Variants in GPSM1 observed in about 807,000 individuals in gnomAD.
The protein encoded by GPSM1 is G protein signaling modulator 1, also known as G protein-signaling modulator 1.
A neutral mutation model predicts 70.5 loss-of-function variants in GPSM1; 48 were observed. The ratio of observed to expected loss-of-function variants is 0.68; its 90% confidence interval spans 0.54 to 0.87. The LOEUF is 0.87. Ranked by LOEUF, GPSM1 falls within the 40% of genes least tolerant of loss-of-function variation. GPSM1 has a pLI of 0.00. For synonymous variants in GPSM1, 416 were observed against 430.1 expected, an observed-to-expected ratio of 0.97 and a Z score of 0.41; for missense variants, 981 against 972.6, an observed-to-expected ratio of 1.01 and a Z score of -0.11.
At chr9:136,346,581 G>T (rs888920362) in intron 9 of GPSM1, among the ~76,000 whole-genome samples, 1 of 152,196 alleles carries the variant, frequency 6.6e-6, no homozygotes, top group African/African-American at 2.4e-5. Context: ...TTCCCAGTTG[G>T]GGGTGGAGGC....
chr9:136,336,570 C>T (rs1398076878), intron 3 of GPSM1, among the ~76,000 whole-genome samples: 2 of 152,174 alleles, frequency 1.3e-5, no homozygotes, highest in African/African-American at 4.8e-5. Context: ...GCTGGGGGGA[C>T]GTGACTTACC....
At chr9:136,357,707 C>T (rs1234271609) in intron 13 of GPSM1, among the ~76,000 whole-genome samples, 6 of 152,236 alleles carry the variant, frequency 3.9e-5, no homozygotes, top group Admixed American at 2.6e-4. Context: ...CATCCAACGC[C>T]GCCCTAGCCA....
At chr9:136,333,595 C>T (rs982482936) in intron 1 of GPSM1, among the ~76,000 whole-genome samples, 3 of 152,086 alleles carry the variant, frequency 2.0e-5, no homozygotes, top group South Asian at 4.1e-4. Context: ...TGGGGGACCA[C>T]GGCCAAGCAG....
At chr9:136,329,867 G>T (rs1177474698) in intron 1 of GPSM1, among the ~76,000 whole-genome samples, 1 of 150,084 alleles carries the variant, frequency 6.7e-6, no homozygotes, top group Non-Finnish European at 1.5e-5. Context: ...GTGGGGACGG[G>T]CCCCTGGGTG....
In GPSM1 at chr9:136,341,800, TC is replaced by T. The variant is rs1268409449; in HGVS notation, c.1207+808del. ...GTGCTGGGCTGCCGGAGTTTCTTTT[TC>T]TTATCTTATTTTTAATAATTAAATG... is the stretch of plus-strand genomic sequence containing the variant. On this transcript the variant is annotated intron_variant, in intron 9 of 13. Transcript: ENST00000440944. The surrounding 1 kb of genome is among the most constrained non-coding windows in gnomAD (Gnocchi z 6.7). 1.9e-5 allele frequency: 19 copies of T among 981,796 alleles called. No homozygotes were observed. In the African/African-American group the frequency reaches 3.1e-4, roughly 16 times the overall value. 60.8% of individuals were successfully genotyped at this position (981,796 alleles called of 1,614,324 possible).
chr9:136,333,181 C>A (rs562452998), intron 1 of GPSM1, among the ~76,000 whole-genome samples: 1 of 152,346 alleles, frequency 6.6e-6, no homozygotes, highest in East Asian at 1.9e-4. Context: ...CTGGGGCCCC[C>A]CAAGCTGCGC....
At chr9:136,354,715 G>A (rs1020572585) in intron 11 of GPSM1, 5 of 628,440 alleles carry the variant, frequency 8.0e-6, no homozygotes, top group Non-Finnish European at 7.9e-6. Flanking sequence ...AGGAGACCAC[G>A]CCCTCCAGCC....
At position 136,349,465 on chromosome 9, in the gene GPSM1, G is replaced by A. The variant is rs530412853; in HGVS notation, c.1279-122G>A. On this transcript the variant is annotated intron_variant, in intron 10 of 13. Coordinates refer to ENST00000440944, the MANE Select transcript of GPSM1 (RefSeq NM_001145638.3). ...GCCCCAGTCCTCTCCTCCTCTCTGG[G>A]TACTGGGCACCTACGGCGTGCATCC... 2.9e-5 allele frequency: 25 copies of A among 867,880 alleles called. No homozygotes were observed. In the South Asian group the frequency reaches 3.6e-4, roughly 12 times the overall value. 53.8% of individuals were successfully genotyped at this position (867,880 alleles called of 1,614,324 possible).
Position 136,327,615 on chromosome 9 carries a change from G to C in GPSM1, c.-81G>C. The C allele has an allele frequency of 3.6e-6, 1 of 276,268 alleles. No homozygotes were observed. The highest frequency in any genetic ancestry group is 5.8e-6 in the Non-Finnish European group (1 of 173,672). 17.1% of individuals were successfully genotyped at this position (276,268 alleles called of 1,614,324 possible). On this transcript the variant is annotated 5_prime_UTR_variant, in exon 1 of 14. Transcript: ENST00000440944. ...CAGGCGGACAGCAGGGCGGACAGCA[G>C]GGAGGACAGCAGGGCGGGCAGGGGG...
At chr9:136,336,437 G>A (rs28537280) in intron 3 of GPSM1, among the ~76,000 whole-genome samples, 21,330 of 152,218 alleles carry the variant, frequency 0.14, 2,205 homozygotes, top group African/African-American at 0.24. Context: ...GGCTGCGGCA[G>A]TGGGAGGCCG....
intron 1 of GPSM1, among the ~76,000 whole-genome samples, chr9:136,328,351 T>A (rs904092456): frequency 2.6e-5 from 4 of 152,122 alleles, no homozygotes; most frequent in Non-Finnish European, 4.4e-5. Flanking sequence ...TGACTCCCAA[T>A]GTCCCCCCAG....
At chr9:136,354,917 G>C (rs1011780186) in intron 11 of GPSM1, 1 of 1,026,054 alleles carries the variant, frequency 9.7e-7, no homozygotes, top group Non-Finnish European at 1.2e-6. Flanking sequence ...AAGTGTTCCA[G>C]GCCAAGGCTG....
At position 136,340,900 on chromosome 9, in the gene GPSM1, C is replaced by G; in HGVS notation, c.1114C>G (p.Arg372Gly). ...IGDRHGELTARMNVAQLQLVL... is the reference protein window; with the variant it reads ...IGDRHGELTAGMNVAQLQLVL... ...GGACCGCCATGGGGAGCTCACGGCC[C>G]GCATGAACGTGGCGCAGCTGCAGCT... is the stretch of plus-strand genomic sequence containing the variant. Residue 372 changes from arginine to glycine, a missense_variant, in exon 9 of 14, where the codon CGC becomes GGC. Coordinates refer to ENST00000440944, the MANE Select transcript of GPSM1 (RefSeq NM_001145638.3). This position sits in a 1 kb window ranked among gnomAD's most constrained non-coding sequence, Gnocchi z 7.3. 6.3e-7 allele frequency: 1 copy of G among 1,575,882 alleles called. No individual in the cohort carries two copies. The highest frequency in any genetic ancestry group is 8.6e-7 in the Non-Finnish European group (1 of 1,162,504).
chr9:136,329,598 C>T (rs548521301), intron 1 of GPSM1, among the ~76,000 whole-genome samples: 15 of 152,306 alleles, frequency 9.8e-5, no homozygotes, highest in African/African-American at 3.4e-4. Context: ...ACTGGGGTCC[C>T]TCAATGTGGA....
chr9:136,339,965 G>GGCCCCCC (rs1554769928), intron 8 of GPSM1, 150 bp downstream of exon 8: 61 of 620,604 alleles, frequency 9.8e-5, no homozygotes, highest in Middle Eastern at 4.2e-4. Context: ...CCGAGGCCTG[G>GGCCCCCC]TGATGACATG....
chr9:136,334,431 A>C lies in GPSM1; in HGVS notation c.69-16A>C. 6.2e-7 allele frequency: 1 copy of C among 1,603,378 alleles called. No homozygotes were observed. The highest frequency in any genetic ancestry group is 8.5e-7 in the Non-Finnish European group (1 of 1,173,924). On this transcript the variant is annotated splice_polypyrimidine_tract_variant and intron_variant, in intron 1 of 13. Transcript: ENST00000440944. ...TTTGCCAGGGCTGGGCCATGACGCC[A>C]AGTTCCTCTGCACAGGATGGAGGCG... is the stretch of plus-strand genomic sequence containing the variant.
At chr9:136,353,512 C>T (rs1832726922) in intron 11 of GPSM1, among the ~76,000 whole-genome samples, 2 of 152,220 alleles carry the variant, frequency 1.3e-5, no homozygotes, top group Admixed American at 1.3e-4. Context: ...TTTCCCCGTA[C>T]CAGGCACTGA....
At chr9:136,338,000 C>A in intron 6 of GPSM1, 39 bp downstream of exon 6, 1 of 1,350,826 alleles carries the variant, frequency 7.4e-7, no homozygotes, top group Non-Finnish European at 1.0e-6. Context: ...GACAGCAGGC[C>A]GGGGGGGCTG....
chr9:136,338,948 C>A (rs542466861), intron 7 of GPSM1, among the ~76,000 whole-genome samples: 1 of 152,328 alleles, frequency 6.6e-6, no homozygotes, highest in African/African-American at 2.4e-5. Context: ...ACCCTGTTGC[C>A]CCCACCACCC....
Sources: allele counts gnomAD v4.1 joint callset (sites outside exome capture counted in the v4.1 genomes callset), GRCh38; gene constraint gnomAD v4.1.1; non-coding constraint Gnocchi (gnomAD v3.1); transcripts MANE v1.5; gene names NCBI Gene and HGNC (gene_info 2026-07-23, HGNC 2026-07-21).